Variants in ETFA observed in about 807,000 individuals in gnomAD.
The protein encoded by ETFA is electron transfer flavoprotein subunit alpha, also known as electron transfer flavoprotein subunit alpha, mitochondrial.
A neutral mutation model predicts 46.2 loss-of-function variants in ETFA; 22 were observed. The observed-to-expected ratio is 0.48, with a 90% CI of 0.34 to 0.68. The LOEUF (loss-of-function observed/expected upper bound fraction) is 0.68. ETFA is among the 30% of genes least tolerant of loss of function. The probability of loss-of-function intolerance (pLI) is 0.01; values close to 1 mark genes in which losing one functional copy is unlikely to be tolerated. For missense variants in ETFA, 345 were observed against 401.1 expected (o/e 0.86, Z 1.19); for synonymous variants, 131 against 139.9 (o/e 0.94, Z 0.45).
intron 5 of ETFA, among the ~76,000 whole-genome samples, chr15:76,287,053 C>T (rs2039710907): frequency 2.0e-5 from 3 of 152,212 alleles, no homozygotes; most frequent in Admixed American, 2.0e-4. Flanking sequence ...GCCATTCATA[C>T]TGGAATACAC....
At chr15:76,270,427 A>G (rs949094091) in intron 9 of ETFA, among the ~76,000 whole-genome samples, 1 of 152,236 alleles carries the variant, frequency 6.6e-6, no homozygotes, top group African/African-American at 2.4e-5. Context: ...TGATACAGAA[A>G]TATAAATGTA....
chr15:76,292,047 G>A (rs1323355802), intron 4 of ETFA, among the ~76,000 whole-genome samples: 1 of 151,950 alleles, frequency 6.6e-6, no homozygotes, highest in Non-Finnish European at 1.5e-5. Context: ...AATTCCCTAC[G>A]TAGATAAAAT....
chr15:76,257,843 A>AT (rs1056206571), intron 9 of ETFA, among the ~76,000 whole-genome samples: 1 of 151,966 alleles, frequency 6.6e-6, no homozygotes, highest in African/African-American at 2.4e-5. Context: ...CAGCCATAAA[A>AT]AATGATGAGT....
intron 9 of ETFA, among the ~76,000 whole-genome samples, chr15:76,269,157 C>T (rs892235797): frequency 7.2e-5 from 11 of 152,120 alleles, no homozygotes; most frequent in Admixed American, 2.0e-4. Context: ...CGGAAGCCAC[C>T]GCTGGAGAGA....
chr15:76,221,479 G>A (rs935548904), intron 11 of ETFA, among the ~76,000 whole-genome samples: 4 of 152,204 alleles, frequency 2.6e-5, no homozygotes, highest in Admixed American at 1.3e-4. Context: ...TTTATGGTAC[G>A]TGAATTATAT....
intron 8 of ETFA, among the ~76,000 whole-genome samples, chr15:76,281,248 G>A (rs1478168522): frequency 2.0e-5 from 3 of 151,760 alleles, no homozygotes; most frequent in Non-Finnish European, 2.9e-5. Flanking sequence ...CAAGTGATCC[G>A]CCCGCCTTGG....
At chr15:76,291,681 G>C (rs944668788) in intron 4 of ETFA, among the ~76,000 whole-genome samples, 3 of 151,870 alleles carry the variant, frequency 2.0e-5, no homozygotes, top group African/African-American at 7.3e-5. Flanking sequence ...ACCCCGGGGG[G>C]CGGAGCCTGC....
intron 9 of ETFA, among the ~76,000 whole-genome samples, chr15:76,270,705 G>C (rs1200788231): frequency 6.6e-6 from 1 of 152,142 alleles, no homozygotes; most frequent in African/African-American, 2.4e-5. Flanking sequence ...TTGTCAGGAA[G>C]TAAAAAAGGA....
At chr15:76,291,302 G>T (rs1242898037) in intron 4 of ETFA, among the ~76,000 whole-genome samples, 2 of 152,056 alleles carry the variant, frequency 1.3e-5, no homozygotes, top group Non-Finnish European at 2.9e-5. Flanking sequence ...AATTAGCCAG[G>T]TGTGGTGGCA....
intron 10 of ETFA, chr15:76,227,640 G>A (rs2039017768): frequency 2.7e-6 from 1 of 366,212 alleles, no homozygotes; most frequent in Non-Finnish European, 5.3e-6. Context: ...AGACTCTAAT[G>A]TAGTATTATT....
intron 9 of ETFA, 148 bp from the exon 10 acceptor site, chr15:76,231,546 T>C (rs543165043): frequency 1.7e-6 from 1 of 571,480 alleles, no homozygotes; most frequent in Admixed American, 3.1e-5. Context: ...GCTTTTCTTT[T>C]TCTCTGATCT....
intron 11 of ETFA, among the ~76,000 whole-genome samples, chr15:76,223,429 C>T (rs1455258479): frequency 1.3e-5 from 2 of 151,926 alleles, no homozygotes; most frequent in Non-Finnish European, 2.9e-5. Flanking sequence ...CACCATCTTG[C>T]CCAGGCTGGT....
chr15:76,219,971 ACTC>A (rs980748207), intron 11 of ETFA, among the ~76,000 whole-genome samples: 2 of 152,206 alleles, frequency 1.3e-5, no homozygotes, highest in African/African-American at 4.8e-5. Context: ...CAGCAATTCT[ACTC>A]CTAGTTATAT....
intron 8 of ETFA, among the ~76,000 whole-genome samples, chr15:76,280,908 T>C (rs2039642149): frequency 7.0e-6 from 1 of 142,850 alleles, no homozygotes; most frequent in South Asian, 2.2e-4. Context: ...CAAACCTTTG[T>C]TCAGATGTCT....
chr15:76,260,080 G>C, intron 9 of ETFA: 2 of 1,500,418 alleles, frequency 1.3e-6, no homozygotes, highest in Non-Finnish European at 1.9e-6. Context: ...TTTCACAAAG[G>C]AGCCATCCTC....
intron 11 of ETFA, among the ~76,000 whole-genome samples, chr15:76,221,949 A>G (rs2038959414): frequency 1.3e-5 from 2 of 152,142 alleles, no homozygotes; most frequent in East Asian, 1.9e-4. Flanking sequence ...GGTGAGCAAA[A>G]TATCACCTAG....
chr15:76,274,930 G>T (rs2039577322), intron 8 of ETFA, among the ~76,000 whole-genome samples: 1 of 152,028 alleles, frequency 6.6e-6, no homozygotes, highest in Non-Finnish European at 1.5e-5. Flanking sequence ...CATTCAACAG[G>T]AGTCAACAAT....
intron 9 of ETFA, among the ~76,000 whole-genome samples, chr15:76,265,145 C>T (rs1474362536): frequency 6.6e-6 from 1 of 152,180 alleles, no homozygotes; most frequent in African/African-American, 2.4e-5. Context: ...AGGGAGCCAC[C>T]AAAGAAGGTC....
intron 2 of ETFA, 72 bp from the exon 3 acceptor site, chr15:76,292,772 T>C (rs2039780301): frequency 1.0e-6 from 1 of 1,002,842 alleles, no homozygotes; most frequent in African/African-American, 1.6e-5. Flanking sequence ...ACTATAAATA[T>C]CAACAGATCA....
Sources: gnomAD v4.1 joint callset for allele counts (sites outside exome capture counted in the v4.1 genomes callset) on GRCh38, gnomAD v4.1.1 for gene constraint, MANE v1.5 for transcripts, NCBI Gene and HGNC (gene_info 2026-07-23, HGNC 2026-07-21) for gene names.